The following NR5A1 variants were observed in gnomAD, a reference collection of about 807,000 sequenced individuals.
The protein encoded by NR5A1 is steroidogenic factor 1.
NR5A1 carries 6 observed loss-of-function variants against 42.7 expected under a neutral mutation model. The observed-to-expected ratio is 0.14, with a 90% confidence interval of 0.08 to 0.28. NR5A1 has a LOEUF of 0.28. NR5A1 is among the 10% of genes least tolerant of loss of function. The pLI is 1.00. For synonymous variants in NR5A1, 274 were observed against 277.5 expected (o/e 0.99, Z 0.12); for missense variants, 442 against 626.4 (o/e 0.71, Z 3.14).
Position 124,482,725 on chromosome 9 carries a change from G to A in NR5A1, c.*33C>T. ...CCGCCCAGGCCCCGCCCCCAGTCCC[G>A]CCCCCAGTCCCGGCCCCGCCCCCGG... is the stretch of plus-strand genomic sequence containing the variant. On this transcript the variant is annotated 3_prime_UTR_variant, in exon 7 of 7. Transcript: ENST00000373588. 6.0e-6 allele frequency: 1 copy of A among 167,128 alleles called. No individual in the cohort carries two copies. Among genetic ancestry groups the A allele is most frequent in the Non-Finnish European group, 1.0e-5 (1 of 96,418 alleles). The allele number at this position is 167,128 out of a possible 1,614,324, so 10.4% of individuals were successfully genotyped here.
rs148790079 is a variant in NR5A1, at chr9:124,505,455, G to A, written c.-16+1794C>T. Among the ~76,000 whole-genome samples, 18 of 152,284 alleles carry A rather than the reference G, an allele frequency of 1.2e-4. No individual in the cohort carries two copies. The East Asian group carries it at 3.3e-3, about 28-fold the overall frequency. ...CCTGTAGCAGCTCTCTCCCCGTCTC[G>A]GGTCTTCAGTTGCCGCATCTGTGAA... On this transcript the variant is annotated intron_variant, in intron 1 of 6. Transcript: ENST00000373588.
Position 124,503,278 on chromosome 9 carries a change from C to A in NR5A1, c.102+16G>T, listed in dbSNP as rs1180059917. The A allele has an allele frequency of 6.2e-7, 1 of 1,607,646 alleles. No homozygotes were observed. Among genetic ancestry groups the A allele is most frequent in the South Asian group, 1.1e-5 (1 of 90,036 alleles). On this transcript the variant is annotated intron_variant, in intron 2 of 6. Coordinates refer to ENST00000373588, the MANE Select transcript of NR5A1 (RefSeq NM_004959.5). The surrounding 1 kb of genome is among the most constrained non-coding windows in gnomAD (Gnocchi z 9.6). ...GCGCCCGTCTGCCGCACCCCTGCCG[C>A]GCGCTCGCCGCTCACCTTGCAGCTC...
rs1270307085 is a variant in NR5A1 at position 124,500,140 on chromosome 9, T to C, written c.820A>G (p.Ile274Val). ...CTGCGTGCCCAGTCCACGATGGAGA[T>C]GAAGGTCTGGTCGGCCATTCTGCAC... ...LLCRMADQTF[I>V]SIVDWARRCM... is the part of the protein sequence containing the mutation. Residue 274 changes from isoleucine (I) to valine (V), a missense_variant, in exon 4 of 7, where the codon ATC becomes GTC. This residue lies in a region of NR5A1 where 163 missense variants were observed against 265.8 expected (regional missense o/e 0.61). Coordinates refer to ENST00000373588, the MANE Select transcript of NR5A1 (RefSeq NM_004959.5). The surrounding 1 kb of genome is among the most constrained non-coding windows in gnomAD (Gnocchi z 6.9). The C allele has an allele frequency of 6.8e-6, 11 of 1,612,904 alleles. No individual in the cohort carries two copies. Among genetic ancestry groups the C allele is most frequent in the Non-Finnish European group, 9.3e-6 (11 of 1,180,004 alleles).
At position 124,500,365 on chromosome 9, in the gene NR5A1, C is replaced by T; in HGVS notation, c.595G>A (p.Glu199Lys). 1 of 1,556,448 alleles carries T rather than the reference C, an allele frequency of 6.4e-7. No homozygotes were observed. Among genetic ancestry groups the T allele is most frequent in the African/African-American group, 1.4e-5 (1 of 73,526 alleles). The change falls in exon 4 of 7, where the codon GAG becomes AAG. Residue 199 changes from glutamate to lysine, a missense_variant. Glu to Lys is a moderately conservative substitution (Grantham distance 56). This residue lies in a region of NR5A1 where 208 missense variants were observed against 203.8 expected (regional missense o/e 1.02). Coordinates refer to ENST00000373588, the MANE Select transcript of NR5A1 (RefSeq NM_004959.5). The surrounding 1 kb of genome is among the most constrained non-coding windows in gnomAD (Gnocchi z 6.9). ...GGCTGTGGGGGGCTGGCATAAGGCTCCGGGTACTCAGACTTGATGGCACGG... is the reference window on the plus strand; with the variant it reads ...GGCTGTGGGGGGCTGGCATAAGGCTTCGGGTACTCAGACTTGATGGCACGG... ...PGRAIKSEYPEPYASPPQPGL... is the reference protein window; with the variant it reads ...PGRAIKSEYPKPYASPPQPGL...
intron 4 of NR5A1, 129 bp downstream of exon 4, chr9:124,499,961 C>T: frequency 7.3e-7 from 1 of 1,371,442 alleles, no homozygotes; most frequent in Non-Finnish European, 1.0e-6. Flanking sequence ...CCCAGGGTGG[C>T]CTCCGGGTCC....
At chr9:124,487,599 G>A (rs1268197818) in intron 6 of NR5A1, among the ~76,000 whole-genome samples, 1 of 152,268 alleles carries the variant, frequency 6.6e-6, no homozygotes, top group Non-Finnish European at 1.5e-5. Context: ...TGCGGAGGCA[G>A]GCGCGAAGGA....
In NR5A1 at chr9:124,504,024, CAGAGAGAGAG is replaced by C. The variant is rs150663190; in HGVS notation, c.-15-624_-15-615del. ...GGAGGGATGGAGAGAGACAGGGAGA[CAGAGAGAGAG>C]AGAGAGAGAGAGAGAGACGAGAGAG... On this transcript the variant is annotated intron_variant, in intron 1 of 6. Transcript: ENST00000373588. Among the ~76,000 whole-genome samples, 277 of 105,942 alleles carry C rather than the reference CAGAGAGAGAG, an allele frequency of 2.6e-3. 1 individual carries two copies. The highest frequency in any genetic ancestry group is 3.4e-3 in the Non-Finnish European group (199 of 58,844). The allele number at this position is 105,942 out of a possible 152,430, so 69.5% of individuals were successfully genotyped here.
intron 5 of NR5A1, among the ~76,000 whole-genome samples, 177 bp from the exon 6 acceptor site, chr9:124,491,405 C>G (rs932291889): frequency 2.6e-5 from 4 of 152,116 alleles, no homozygotes. Flanking sequence ...TGCACAGCCC[C>G]GGGGACGCTG....
At chr9:124,494,829 C>T (rs1693958710) in intron 4 of NR5A1, among the ~76,000 whole-genome samples, 1 of 152,174 alleles carries the variant, frequency 6.6e-6, no homozygotes, top group Admixed American at 6.5e-5. Flanking sequence ...ACACAGAGAC[C>T]ACTCTCTACC....
intron 4 of NR5A1, among the ~76,000 whole-genome samples, chr9:124,497,919 C>G (rs994263229): frequency 2.0e-5 from 3 of 152,338 alleles, no homozygotes; most frequent in Middle Eastern, 6.8e-3. Flanking sequence ...TGCTCTCCCC[C>G]CAGGGTCCCC....
Position 124,487,846 on chromosome 9 carries a change from C to G in NR5A1, c.1138+3235G>C, listed in dbSNP as rs868209505. Among the ~76,000 whole-genome samples, 6 of 152,356 alleles carry G rather than the reference C, an allele frequency of 3.9e-5. 1 individual carries two copies. The South Asian group carries it at 1.2e-3, about 32-fold the overall frequency. ...CTCCAGACCCTGGAGTCTGCTCCAG[C>G]CCAGCCCCAGGTCTAGCCTCTGCCA... On this transcript the variant is annotated intron_variant, in intron 6 of 6. Transcript: ENST00000373588.
chr9:124,489,606 G>C (rs979178897), intron 6 of NR5A1, among the ~76,000 whole-genome samples: 4 of 152,228 alleles, frequency 2.6e-5, no homozygotes, highest in African/African-American at 9.6e-5. Flanking sequence ...AGTCTGCTGA[G>C]CCTGGCAGGC....
At chr9:124,486,084 C>T (rs551672108) in intron 6 of NR5A1, among the ~76,000 whole-genome samples, 1 of 152,218 alleles carries the variant, frequency 6.6e-6, no homozygotes, top group East Asian at 1.9e-4. Flanking sequence ...AGCAGCACTG[C>T]GCCAGGGACA....
Position 124,503,807 on chromosome 9 carries a change from C to T in NR5A1, c.-15-397G>A, listed in dbSNP as rs1832505591. On this transcript the variant is annotated intron_variant, in intron 1 of 6. Transcript: ENST00000373588. This position sits in a 1 kb window ranked among gnomAD's most constrained non-coding sequence, Gnocchi z 9.6. Reference sequence around the variant, plus strand: ...CCCAGGAGCGCTGGGGCGCCCGGCCCGGGTGTTCTGGGAACCCGACAGAGA... The same window carrying T: ...CCCAGGAGCGCTGGGGCGCCCGGCCTGGGTGTTCTGGGAACCCGACAGAGA... 6.6e-6 allele frequency among the ~76,000 whole-genome samples: 1 copy of T among 152,178 alleles called. No homozygotes were observed. The highest frequency in any genetic ancestry group is 6.5e-5 in the Admixed American group (1 of 15,288).
Position 124,501,125 on chromosome 9 carries a change from C to T in NR5A1, c.245-410G>A. 1 of 474,824 alleles carries T rather than the reference C, an allele frequency of 2.1e-6. No homozygotes were observed. Among genetic ancestry groups the T allele is most frequent in the Admixed American group, 2.4e-5 (1 of 42,328 alleles). 29.4% of individuals were successfully genotyped at this position (474,824 alleles called of 1,614,324 possible). On this transcript the variant is annotated intron_variant, in intron 3 of 6. Transcript: ENST00000373588. This position sits in a 1 kb window ranked among gnomAD's most constrained non-coding sequence, Gnocchi z 4.1. Reference sequence around the variant, plus strand: ...CTCTACTGTCCTTGCCCCAGGTGCCCTGTCCTTGCCCACTCTTATCATGCT... The same window carrying T: ...CTCTACTGTCCTTGCCCCAGGTGCCTTGTCCTTGCCCACTCTTATCATGCT...
chr9:124,499,316 A>C lies in NR5A1; in HGVS notation c.870+774T>G, dbSNP rs140839180. On this transcript the variant is annotated intron_variant, in intron 4 of 6. Coordinates refer to ENST00000373588, the MANE Select transcript of NR5A1 (RefSeq NM_004959.5). ...CTGCTGCTTTCCTGATTACTGTAGC[A>C]TCAGGTACCTCGACCCAGGGGGAAA... Among the ~76,000 whole-genome samples, 449 of 152,282 alleles carry C rather than the reference A, an allele frequency of 2.9e-3. 3 individuals are homozygous for C. The highest frequency in any genetic ancestry group is 4.6e-3 in the Non-Finnish European group (314 of 67,996).
chr9:124,505,002 G>A (rs113733516), intron 1 of NR5A1, among the ~76,000 whole-genome samples: 54,553 of 151,262 alleles, frequency 0.36, 12,283 homozygotes, highest in Non-Finnish European at 0.51. Context: ...CGCCGGGGCC[G>A]GGGGCCGGCC....
In NR5A1 at chr9:124,498,043, T is replaced by C. The variant is rs1832411672; in HGVS notation, c.870+2047A>G. Among the ~76,000 whole-genome samples the C allele has an allele frequency of 6.6e-6, 1 of 152,132 alleles. No individual in the cohort carries two copies. The highest frequency in any genetic ancestry group is 2.4e-5 in the African/African-American group (1 of 41,428). On this transcript the variant is annotated intron_variant, in intron 4 of 6. Transcript: ENST00000373588. This position sits in a 1 kb window ranked among gnomAD's most constrained non-coding sequence, Gnocchi z 4.6. ...TTCCTGGGTCCAGATGATTTTAATG[T>C]CCCCAGTGTCCAGCCCAAGGGCTGC... is the stretch of plus-strand genomic sequence containing the variant.
chr9:124,489,078 GAGA>G lies in NR5A1; in HGVS notation c.1138+2000_1138+2002del, dbSNP rs1264263813. ...GCTCTGCCATCTTCCTTAAGTCCCA[GAGA>G]AGGAGAAGTCCTGGATTCACCCCCG... On this transcript the variant is annotated intron_variant, in intron 6 of 6. Coordinates refer to ENST00000373588, the MANE Select transcript of NR5A1 (RefSeq NM_004959.5). 2.0e-5 allele frequency among the ~76,000 whole-genome samples: 3 copies of G among 152,254 alleles called. No individual in the cohort carries two copies. In the East Asian group the frequency reaches 5.8e-4, roughly 29 times the overall value.
Sources: gnomAD v4.1 joint callset for allele counts (sites outside exome capture counted in the v4.1 genomes callset) on GRCh38, gnomAD v4.1.1 for gene constraint, gnomAD v4.1.1 regional missense constraint, Gnocchi (gnomAD v3.1) non-coding constraint, MANE v1.5 for transcripts, NCBI Gene and HGNC (gene_info 2026-07-23, HGNC 2026-07-21) for gene names.